The following CNTN3 variants were observed in gnomAD, a reference collection of about 807,000 sequenced individuals.
CNTN3 encodes contactin-3.
In CNTN3, 60 loss-of-function variants were observed where a neutral mutation model predicts 119.1. The ratio of observed to expected loss-of-function variants is 0.50; its 90% CI spans 0.41 to 0.62. The LOEUF is 0.62. CNTN3 is among the 20% of genes least tolerant of loss of function. CNTN3 has a pLI of 0.00. For missense variants in CNTN3, 1,101 were observed against 1,242.4 expected (o/e 0.89, Z 1.71); for synonymous variants, 450 against 438.7 (o/e 1.03, Z -0.32).
At chr3:74,455,790 C>G (rs938577880) in intron 4 of CNTN3, among the ~76,000 whole-genome samples, 2 of 151,836 alleles carry the variant, frequency 1.3e-5, no homozygotes, top group Non-Finnish European at 2.9e-5. Context: ...TGCCTGGAAG[C>G]CCTGGTTTTC....
intron 1 of CNTN3, 72 bp from the exon 2 acceptor site, chr3:74,521,264 C>A (rs1703538908): frequency 2.4e-6 from 1 of 419,366 alleles, no homozygotes; most frequent in Non-Finnish European, 4.3e-6. Flanking sequence ...AGATTTTCTT[C>A]TTTTCGTAAA....
At chr3:74,594,066 T>C (rs114393999) in intron 1 of CNTN3, among the ~76,000 whole-genome samples, 2,823 of 151,844 alleles carry the variant, frequency 0.019, 82 homozygotes, top group African/African-American at 0.066. Flanking sequence ...CCTAGCTACA[T>C]ACCCAGTAAG....
intron 1 of CNTN3, among the ~76,000 whole-genome samples, chr3:74,522,785 A>T (rs1703561819): frequency 6.6e-6 from 1 of 150,662 alleles, no homozygotes; most frequent in African/African-American, 2.4e-5. Context: ...GGAAAAAGGA[A>T]AAAAAAAAGG....
At position 74,492,562 on chromosome 3, in the gene CNTN3, A is replaced by G. The variant is rs538631085; in HGVS notation, c.183-5931T>C. ...AACAGCTGCATGCCCTGAGGCCAACAATTTTTGATTCCTGAATAGAAAGCA... is the reference window on the plus strand; with the variant it reads ...AACAGCTGCATGCCCTGAGGCCAACGATTTTTGATTCCTGAATAGAAAGCA... On this transcript the variant is annotated intron_variant, in intron 3 of 22. Transcript: ENST00000263665. Among the ~76,000 whole-genome samples the G allele has an allele frequency of 5.6e-4, 85 of 152,296 alleles. 1 individual carries two copies. The South Asian group carries it at 0.017, about 31-fold the overall frequency.
chr3:74,571,814 C>T (rs1466258887), intron 1 of CNTN3, among the ~76,000 whole-genome samples: 2 of 152,040 alleles, frequency 1.3e-5, no homozygotes, highest in African/African-American at 4.8e-5. Context: ...GTTATGAATA[C>T]TTTATTAAAA....
rs1418156966 is a variant in CNTN3, at chr3:74,264,439, G to A, written c.3049C>T (p.Pro1017Ser). The A allele has an allele frequency of 2.5e-6, 4 of 1,610,264 alleles. No homozygotes were observed. Among genetic ancestry groups the A allele is most frequent in the Non-Finnish European group, 2.5e-6 (3 of 1,177,162 alleles). ...SNVHPMSSYM[P>S]IVLFLIVYVL... Reference sequence around the variant, plus strand: ...TATACAATTAAGAACAGTACTATAGGCATATAACTTGACATAGGGTGGACA... The same window carrying A: ...TATACAATTAAGAACAGTACTATAGACATATAACTTGACATAGGGTGGACA... Residue 1017 changes from proline (P) to serine (S), a missense_variant, in exon 23 of 23, where the codon CCT (proline) becomes TCT (serine). Transcript: ENST00000263665.
intron 1 of CNTN3, among the ~76,000 whole-genome samples, chr3:74,602,562 GAGACTATAATAAAATCTC>G (rs1704928730): frequency 6.6e-6 from 1 of 151,980 alleles, no homozygotes; most frequent in Non-Finnish European, 1.5e-5. Context: ...ATAAGCTGTA[GAGACTATAATAAAATCTC>G]AGACTTCCAG....
At chr3:74,430,173 A>G (rs1701759875) in intron 4 of CNTN3, among the ~76,000 whole-genome samples, 1 of 152,230 alleles carries the variant, frequency 6.6e-6, no homozygotes, top group Non-Finnish European at 1.5e-5. Flanking sequence ...ACACTTGTTC[A>G]TACAAAAATC....
chr3:74,328,798 T>C (rs999972858), intron 13 of CNTN3, among the ~76,000 whole-genome samples: 14 of 152,154 alleles, frequency 9.2e-5, no homozygotes, highest in Non-Finnish European at 2.1e-4. Context: ...GCAAATAACA[T>C]TATGGGAAGA....
At chr3:74,521,451 T>C (rs116461408) in intron 1 of CNTN3, among the ~76,000 whole-genome samples, 5,412 of 151,182 alleles carry the variant, frequency 0.036, 166 homozygotes, top group African/African-American at 0.072. Context: ...TTTTAATATA[T>C]TAATTATTAA....
Position 74,301,880 on chromosome 3 carries a change from T to C in CNTN3, c.1787-75A>G, listed in dbSNP as rs73841824. The C allele has an allele frequency of 9.6e-3, 14,376 of 1,500,314 alleles. 1,141 individuals are homozygous for C. In the African/African-American group the frequency reaches 0.17, roughly 18 times the overall value. 92.9% of individuals were successfully genotyped at this position (1,500,314 alleles called of 1,614,324 possible). A position where few individuals can be genotyped will look rare whatever the true frequency, so the allele number is the denominator to read the frequency against. ...TCCTCTCCTATCAAAGAGAAGAGAA[T>C]GTCACATGACCACTTCAATATCTCT... On this transcript the variant is annotated intron_variant, in intron 14 of 22. Coordinates refer to ENST00000263665, the MANE Select transcript of CNTN3 (RefSeq NM_020872.3).
intron 5 of CNTN3, among the ~76,000 whole-genome samples, chr3:74,398,304 T>C (rs1006830849): frequency 6.6e-6 from 1 of 152,200 alleles, no homozygotes; most frequent in East Asian, 1.9e-4. Context: ...CAACCTTCCG[T>C]GATCACCACC....
At chr3:74,584,087 C>T (rs2106673238) in intron 1 of CNTN3, among the ~76,000 whole-genome samples, 1 of 152,306 alleles carries the variant, frequency 6.6e-6, no homozygotes, top group Admixed American at 6.5e-5. Context: ...ATAGTAATCA[C>T]AGCAAAGCTA....
intron 3 of CNTN3, among the ~76,000 whole-genome samples, chr3:74,492,648 A>T (rs1702985596): frequency 6.6e-6 from 1 of 152,170 alleles, no homozygotes; most frequent in South Asian, 2.1e-4. Context: ...AATGATAAAA[A>T]CTTTCATTGT....
chr3:74,387,255 A>T (rs1704773979), intron 5 of CNTN3, among the ~76,000 whole-genome samples: 1 of 152,196 alleles, frequency 6.6e-6, no homozygotes, highest in South Asian at 2.1e-4. Flanking sequence ...CAGATGGGGA[A>T]CATGGCAAGA....
At chr3:74,532,966 G>C (rs1703714302) in intron 1 of CNTN3, among the ~76,000 whole-genome samples, 1 of 151,982 alleles carries the variant, frequency 6.6e-6, no homozygotes, top group East Asian at 1.9e-4. Context: ...AAAGTCAAAA[G>C]TATGCTGAAA....
intron 4 of CNTN3, among the ~76,000 whole-genome samples, chr3:74,443,881 C>T (rs1702005744): frequency 6.6e-6 from 1 of 151,802 alleles, no homozygotes; most frequent in African/African-American, 2.4e-5. Context: ...CAGCAAAGTA[C>T]CATAAACAGC....
At chr3:74,383,675 G>A (rs763971827) in intron 5 of CNTN3, among the ~76,000 whole-genome samples, 5 of 152,048 alleles carry the variant, frequency 3.3e-5, no homozygotes, top group Admixed American at 6.6e-5. Flanking sequence ...TGTAGAGACA[G>A]CGTCTCATTG....
chr3:74,357,703 T>C (rs2106762748), intron 11 of CNTN3, among the ~76,000 whole-genome samples: 1 of 152,284 alleles, frequency 6.6e-6, no homozygotes, highest in South Asian at 2.1e-4. Flanking sequence ...CAGTGGCCTC[T>C]ATGTTAGGCT....
Sources: allele counts gnomAD v4.1 joint callset (sites outside exome capture counted in the v4.1 genomes callset), GRCh38; gene constraint gnomAD v4.1.1; transcripts MANE v1.5; gene names NCBI Gene and HGNC (gene_info 2026-07-23, HGNC 2026-07-21).